Variants in CDH8 observed in about 807,000 individuals in gnomAD.
The protein encoded by CDH8 is cadherin-8.
Under a neutral mutation model 68.1 loss-of-function variants are expected in CDH8, and 17 were observed. That is an observed-to-expected ratio of 0.25 (90% CI 0.17 to 0.37). The LOEUF is 0.37. Among genes scored for constraint, CDH8 ranks in the 10% least tolerant of loss-of-function variants. The probability of loss-of-function intolerance (pLI) is 1.00; values close to 1 mark genes in which losing one functional copy is unlikely to be tolerated. For missense variants in CDH8, 763 were observed against 999.3 expected, an observed-to-expected ratio of 0.76 and a Z score of 3.19; for synonymous variants, 372 against 365.1, an observed-to-expected ratio of 1.02 and a Z score of -0.21.
At chr16:61,742,605 C>T (rs1466038066) in intron 8 of CDH8, among the ~76,000 whole-genome samples, 1 of 152,088 alleles carries the variant, frequency 6.6e-6, no homozygotes, top group African/African-American at 2.4e-5. Context: ...TCATCTTTTT[C>T]TCTATCTTCT....
intron 3 of CDH8, among the ~76,000 whole-genome samples, chr16:61,860,342 T>C (rs1420925832): frequency 2.0e-5 from 3 of 152,182 alleles, no homozygotes; most frequent in Non-Finnish European, 2.9e-5. Flanking sequence ...AGGTATTTTG[T>C]TATAAGCAGC....
intron 2 of CDH8, among the ~76,000 whole-genome samples, chr16:61,953,117 G>C (rs536113116): frequency 3.9e-5 from 6 of 152,262 alleles, no homozygotes; most frequent in African/African-American, 1.2e-4. Flanking sequence ...GGGACACAGA[G>C]AGAACTTGTC....
At chr16:61,754,377 T>C (rs750178561) in intron 8 of CDH8, among the ~76,000 whole-genome samples, 11 of 152,166 alleles carry the variant, frequency 7.2e-5, no homozygotes, top group African/African-American at 2.4e-4. Context: ...ATTAAATCAC[T>C]AGATGAATGA....
chr16:61,729,630 A>C (rs1161255072), intron 8 of CDH8, among the ~76,000 whole-genome samples: 3 of 151,234 alleles, frequency 2.0e-5, no homozygotes, highest in Non-Finnish European at 3.0e-5. Flanking sequence ...TTAACTCTGT[A>C]ACACTCATTC....
At chr16:61,749,985 G>T (rs1305318199) in intron 8 of CDH8, among the ~76,000 whole-genome samples, 1 of 152,008 alleles carries the variant, frequency 6.6e-6, no homozygotes, top group African/African-American at 2.4e-5. Flanking sequence ...GCTGAGGTTT[G>T]GGGTATAAAT....
rs954801944 is a variant in CDH8 at position 61,957,018 on chromosome 16, G to A, written c.253-55545C>T. On this transcript the variant is annotated intron_variant, in intron 2 of 11. Coordinates refer to ENST00000577390, the MANE Select transcript of CDH8 (RefSeq NM_001796.5). ...TTAGTATTTCCAACTGATTTTCAGA[G>A]TAGATTAGGTGTTAATGTAATATTG... 2.0e-5 allele frequency among the ~76,000 whole-genome samples: 3 copies of A among 152,158 alleles called. 1 individual carries two copies. Among genetic ancestry groups the A allele is most frequent in the South Asian group, 4.1e-4 (2 of 4,828 alleles).
chr16:61,776,675 T>C (rs1429717287), intron 8 of CDH8, among the ~76,000 whole-genome samples: 1 of 152,180 alleles, frequency 6.6e-6, no homozygotes, highest in African/African-American at 2.4e-5. Flanking sequence ...TGGCAAATTC[T>C]TTTTAATTAT....
intron 8 of CDH8, among the ~76,000 whole-genome samples, chr16:61,783,495 C>G (rs943002330): frequency 1.3e-5 from 2 of 151,752 alleles, no homozygotes; most frequent in Non-Finnish European, 2.9e-5. Flanking sequence ...AGAATGGAAC[C>G]AAGTTGGAAA....
intron 10 of CDH8, among the ~76,000 whole-genome samples, chr16:61,682,665 GAA>G (rs55989060): frequency 4.6e-4 from 68 of 148,332 alleles, no homozygotes; most frequent in Middle Eastern, 3.5e-3. Context: ...AGAAGTTTAA[GAA>G]AAAAAAAAAA....
intron 10 of CDH8, among the ~76,000 whole-genome samples, chr16:61,665,054 A>T (rs957871547): frequency 2.6e-5 from 4 of 152,036 alleles, no homozygotes; most frequent in Non-Finnish European, 5.9e-5. Flanking sequence ...GTTTGCCTGC[A>T]TTTGGAGATG....
chr16:61,831,956 G>A lies in CDH8; in HGVS notation c.668-6777C>T, dbSNP rs1190710037. On this transcript the variant is annotated intron_variant, in intron 4 of 11. Transcript: ENST00000577390. ...TATCATTTTATTATCTGTGAAAAGG[G>A]GTCTTTTACTTATGAGGTTAAGTGG... Among the ~76,000 whole-genome samples, 3 of 151,688 alleles carry A rather than the reference G, an allele frequency of 2.0e-5. No individual in the cohort carries two copies. The East Asian group carries it at 5.9e-4, about 30-fold the overall frequency.
chr16:61,780,001 C>A (rs1961005371), intron 8 of CDH8, among the ~76,000 whole-genome samples: 1 of 152,332 alleles, frequency 6.6e-6, no homozygotes, highest in East Asian at 1.9e-4. Flanking sequence ...TGTACCTCCA[C>A]TCTCATCCTT....
At chr16:61,901,619 G>A (rs1350476872) in intron 2 of CDH8, 146 bp from the exon 3 acceptor site, 8 of 609,166 alleles carry the variant, frequency 1.3e-5, no homozygotes, top group East Asian at 2.7e-5. Flanking sequence ...GTATGCAGCT[G>A]TGCGGATATC....
rs557311076 is a variant in CDH8, at chr16:61,787,534, G to T, written c.1414+1812C>A. Among the ~76,000 whole-genome samples, 90 of 139,698 alleles carry T rather than the reference G, an allele frequency of 6.4e-4. 2 individuals are homozygous for T. The highest frequency in any genetic ancestry group is 2.4e-3 in the African/African-American group (86 of 35,572). The allele number at this position is 139,698 out of a possible 152,430, so 91.6% of individuals were successfully genotyped here. ...CAACCATTGTGGAAGTCAGTGTGGC[G>T]ATTCCTCAGGGATCTAGAACTAGAA... On this transcript the variant is annotated intron_variant, in intron 8 of 11. Transcript: ENST00000577390.
chr16:61,878,175 G>A (rs377716275), intron 3 of CDH8, among the ~76,000 whole-genome samples: 12 of 152,174 alleles, frequency 7.9e-5, no homozygotes, highest in African/African-American at 2.9e-4. Context: ...CCCTGCTAAA[G>A]GCATCCTTAA....
intron 7 of CDH8, among the ~76,000 whole-genome samples, chr16:61,791,770 A>G (rs1474938383): frequency 2.0e-5 from 3 of 152,046 alleles, no homozygotes; most frequent in African/African-American, 7.2e-5. Flanking sequence ...GTTGGCATTT[A>G]AAAAATGTTG....
Position 61,967,572 on chromosome 16 carries a change from T to C in CDH8, c.252+53580A>G, listed in dbSNP as rs1047012747. Among the ~76,000 whole-genome samples the C allele has an allele frequency of 1.2e-4, 18 of 152,204 alleles. No individual in the cohort carries two copies. In the East Asian group the frequency reaches 1.3e-3, roughly 11 times the overall value. On this transcript the variant is annotated intron_variant, in intron 2 of 11. Coordinates refer to ENST00000577390, the MANE Select transcript of CDH8 (RefSeq NM_001796.5). ...AGTCTAAACAGGAAATTCATTTATG[T>C]TTCATGTACATCATATACATGTAGC...
At chr16:61,934,446 T>C (rs768294064) in intron 2 of CDH8, among the ~76,000 whole-genome samples, 75 of 152,264 alleles carry the variant, frequency 4.9e-4, no homozygotes, top group Admixed American at 3.1e-3. Flanking sequence ...AGGGACAGTA[T>C]ACGATATTGT....
intron 2 of CDH8, among the ~76,000 whole-genome samples, chr16:61,978,278 TCA>T (rs1315164956): frequency 1.3e-5 from 2 of 152,158 alleles, no homozygotes; most frequent in Non-Finnish European, 2.9e-5. Context: ...CCTGCACAAA[TCA>T]CATTTTCCTT....
Sources: gnomAD v4.1 joint callset for allele counts (sites outside exome capture counted in the v4.1 genomes callset) on GRCh38, gnomAD v4.1.1 for gene constraint, MANE v1.5 for transcripts, NCBI Gene and HGNC (gene_info 2026-07-23, HGNC 2026-07-21) for gene names.